The following PAK2 variants were observed in gnomAD, a reference collection of about 807,000 sequenced individuals.
PAK2 encodes the protein p21 (RAC1) activated kinase 2.
In PAK2, 21 loss-of-function variants were observed where a neutral mutation model predicts 65.9. The ratio of observed to expected loss-of-function variants is 0.32; its 90% CI spans 0.23 to 0.46. The LOEUF is 0.46. Among genes scored for constraint, PAK2 ranks in the 20% least tolerant of loss-of-function variants. The pLI is 1.00. For missense variants in PAK2, 324 were observed against 642.6 expected, an observed-to-expected ratio of 0.50 and a Z score of 5.36; for synonymous variants, 204 against 219.7, an observed-to-expected ratio of 0.93 and a Z score of 0.63.
At chr3:196,816,096 CT>C (rs1468437433) in intron 11 of PAK2, among the ~76,000 whole-genome samples, 1 of 152,060 alleles carries the variant, frequency 6.6e-6, no homozygotes, top group African/African-American at 2.4e-5. Flanking sequence ...GTCATTGAAA[CT>C]TCTAATGTCA....
At chr3:196,817,670 G>C (rs1024430372) in intron 11 of PAK2, among the ~76,000 whole-genome samples, 13 of 151,544 alleles carry the variant, frequency 8.6e-5, no homozygotes, top group African/African-American at 3.1e-4. Flanking sequence ...GCTAATTTTT[G>C]TATTTTTTAG....
intron 1 of PAK2, among the ~76,000 whole-genome samples, chr3:196,755,440 C>A (rs979630237): frequency 1.4e-5 from 2 of 145,914 alleles, no homozygotes; most frequent in Non-Finnish European, 3.0e-5. Context: ...AGAGTGTTTA[C>A]GCATTTCTTC....
intron 1 of PAK2, among the ~76,000 whole-genome samples, chr3:196,743,709 T>C (rs1357526115): frequency 1.3e-5 from 2 of 151,466 alleles, no homozygotes; most frequent in African/African-American, 4.9e-5. Flanking sequence ...GAGAATTTAG[T>C]ATTCTCTACT....
chr3:196,754,748 C>T (rs961482105), intron 1 of PAK2, among the ~76,000 whole-genome samples: 35 of 152,334 alleles, frequency 2.3e-4, no homozygotes, highest in East Asian at 2.1e-3. Flanking sequence ...TGCACACGGG[C>T]GCAGACACAC....
At chr3:196,752,844 G>A (rs114516506) in intron 1 of PAK2, among the ~76,000 whole-genome samples, 10,537 of 151,882 alleles carry the variant, frequency 0.069, 543 homozygotes, top group African/African-American at 0.15. Context: ...CGTCTGCCTT[G>A]GCCTCCCAAA....
At chr3:196,788,316 T>C (rs1714962975) in intron 2 of PAK2, among the ~76,000 whole-genome samples, 1 of 152,228 alleles carries the variant, frequency 6.6e-6, no homozygotes, top group African/African-American at 2.4e-5. Flanking sequence ...GATCTAGAGA[T>C]AATTCATTTT....
intron 10 of PAK2, among the ~76,000 whole-genome samples, chr3:196,813,703 G>A (rs1373616798): frequency 6.6e-6 from 1 of 152,072 alleles, no homozygotes; most frequent in Non-Finnish European, 1.5e-5. Context: ...TGTAATCCCA[G>A]CACTTTGGGA....
intron 1 of PAK2, among the ~76,000 whole-genome samples, chr3:196,764,342 G>T (rs1009435027): frequency 6.6e-6 from 1 of 151,902 alleles, no homozygotes; most frequent in African/African-American, 2.4e-5. Flanking sequence ...CTTGCCAGGC[G>T]CAGTGGCTCA....
At chr3:196,816,121 C>T (rs899427548) in intron 11 of PAK2, among the ~76,000 whole-genome samples, 1 of 151,728 alleles carries the variant, frequency 6.6e-6, no homozygotes, top group African/African-American at 2.4e-5. Flanking sequence ...GAATCACTGT[C>T]ACAAAGGGCA....
intron 1 of PAK2, among the ~76,000 whole-genome samples, chr3:196,741,738 A>G (rs1217670179): frequency 6.6e-6 from 1 of 152,228 alleles, no homozygotes; most frequent in Non-Finnish European, 1.5e-5. Flanking sequence ...AAATAGTAGT[A>G]TCAGTTGTCC....
At chr3:196,775,027 C>G (rs1256314905) in intron 1 of PAK2, among the ~76,000 whole-genome samples, 1 of 152,128 alleles carries the variant, frequency 6.6e-6, no homozygotes, top group East Asian at 1.9e-4. Flanking sequence ...AGCTAAGCAG[C>G]TGGTAGAGGC....
chr3:196,759,524 T>TTTTTTTTTTTTTTTTTTTTG (rs1560092899), intron 1 of PAK2, among the ~76,000 whole-genome samples: 3 of 134,902 alleles, frequency 2.2e-5, no homozygotes, highest in Non-Finnish European at 3.2e-5. Flanking sequence ...TTTTTTTTTT[T>TTTTTTTTTTTTTTTTTTTTG]TTTTTTTTTT....
intron 1 of PAK2, among the ~76,000 whole-genome samples, chr3:196,763,463 A>G (rs1714052221): frequency 1.3e-5 from 2 of 152,156 alleles, no homozygotes; most frequent in South Asian, 2.1e-4. Context: ...GTCCCGGCAA[A>G]GGAAAAATGC....
At chr3:196,818,727 C>T (rs1415797245) in intron 12 of PAK2, among the ~76,000 whole-genome samples, 1 of 152,102 alleles carries the variant, frequency 6.6e-6, no homozygotes, top group Non-Finnish European at 1.5e-5. Flanking sequence ...GGTGAATACA[C>T]ATGAAAATGA....
At chr3:196,815,061 T>G (rs529122637) in intron 11 of PAK2, among the ~76,000 whole-genome samples, 1 of 151,892 alleles carries the variant, frequency 6.6e-6, no homozygotes, top group Non-Finnish European at 1.5e-5. Flanking sequence ...GTACCTGTAG[T>G]CCCAGCTACT....
rs1490027933 is a variant in PAK2 at position 196,777,000 on chromosome 3, A to G, written c.-21-5626A>G. On this transcript the variant is annotated intron_variant, in intron 1 of 14. Coordinates refer to ENST00000327134, the MANE Select transcript of PAK2 (RefSeq NM_002577.4). ...CAGCTAAAACAACTCAGCACAACAGATTGAATGCAGAAGCAGATCTGATCA... is the reference window on the plus strand; with the variant it reads ...CAGCTAAAACAACTCAGCACAACAGGTTGAATGCAGAAGCAGATCTGATCA... Among the ~76,000 whole-genome samples, 4 of 152,220 alleles carry G rather than the reference A, an allele frequency of 2.6e-5. No homozygotes were observed. In the East Asian group the frequency reaches 5.8e-4, roughly 22 times the overall value.
chr3:196,759,489 G>GTTTTT lies in PAK2; in HGVS notation c.-22+19336_-22+19340dup, dbSNP rs1418582155. Among the ~76,000 whole-genome samples the GTTTTT allele has an allele frequency of 1.4e-3, 140 of 98,810 alleles. 7 individuals are homozygous for GTTTTT. The highest frequency in any genetic ancestry group is 1.9e-3 in the Non-Finnish European group (99 of 52,658). 64.8% of individuals were successfully genotyped at this position (98,810 alleles called of 152,430 possible). ...ACCCTTTAAGGTATACAGTTAAGTG[G>GTTTTT]TTTTTTTTGTTTTTTTTTTTTTTTT... On this transcript the variant is annotated intron_variant, in intron 1 of 14. Coordinates refer to ENST00000327134, the MANE Select transcript of PAK2 (RefSeq NM_002577.4).
Position 196,828,525 on chromosome 3 carries a change from G to A in PAK2, c.*120G>A, listed in dbSNP as rs2108779380. On this transcript the variant is annotated 3_prime_UTR_variant, in exon 15 of 15. Coordinates refer to ENST00000327134, the MANE Select transcript of PAK2 (RefSeq NM_002577.4). ...GGTCTGCATAACCTGAATGAAAGAAGCAAATGACTATTCTCTGAAGACAAC... is the reference window on the plus strand; with the variant it reads ...GGTCTGCATAACCTGAATGAAAGAAACAAATGACTATTCTCTGAAGACAAC... The A allele has an allele frequency of 8.6e-6, 6 of 696,734 alleles. No homozygotes were observed. In the South Asian group the frequency reaches 1.0e-4, roughly 12 times the overall value. The allele number at this position is 696,734 out of a possible 1,614,324, so 43.2% of individuals were successfully genotyped here. A position where few individuals can be genotyped will look rare whatever the true frequency, so the allele number is the denominator to read the frequency against.
At chr3:196,799,736 C>T (rs1184177312) in intron 2 of PAK2, among the ~76,000 whole-genome samples, 4 of 152,114 alleles carry the variant, frequency 2.6e-5, no homozygotes, top group Non-Finnish European at 4.4e-5. Flanking sequence ...CTCACTGCAG[C>T]CTCCACCTCC....
Sources: gnomAD v4.1 joint callset for allele counts (sites outside exome capture counted in the v4.1 genomes callset) on GRCh38, gnomAD v4.1.1 for gene constraint, MANE v1.5 for transcripts, NCBI Gene and HGNC (gene_info 2026-07-23, HGNC 2026-07-21) for gene names.